The following AGGF1 variants were observed in gnomAD, a reference collection of about 807,000 sequenced individuals.
AGGF1 encodes angiogenic factor with G-patch and FHA domains 1, also known as angiogenic factor with G patch and FHA domains 1.
A neutral mutation model predicts 86.5 loss-of-function variants in AGGF1; 56 were observed. The ratio of observed to expected loss-of-function variants is 0.65; its 90% CI spans 0.52 to 0.81. The LOEUF is 0.81. AGGF1 is among the 30% of genes least tolerant of loss of function. The pLI is 0.00. For missense variants in AGGF1, 816 were observed against 850.9 expected (o/e 0.96, Z 0.51); for synonymous variants, 313 against 297.1 (o/e 1.05, Z -0.55).
rs774016026 is a variant in AGGF1, at chr5:77,042,033, TCAAGCATCTGTTTAAC to T, written c.870+2315_870+2330del. Among the ~76,000 whole-genome samples, 199 of 151,382 alleles carry T rather than the reference TCAAGCATCTGTTTAAC, an allele frequency of 1.3e-3. No individual in the cohort carries two copies. In the East Asian group the frequency reaches 0.027, roughly 21 times the overall value. ...ATGACTCTTAACGAGCATGCTGCCT[TCAAGCATCTGTTTAAC>T]AAAGCACATCTTGCACCACCCTTAA... On this transcript the variant is annotated intron_variant, in intron 5 of 13. Coordinates refer to ENST00000312916, the MANE Select transcript of AGGF1 (RefSeq NM_018046.5).
At chr5:77,054,680 C>G (rs887914264) in intron 10 of AGGF1, among the ~76,000 whole-genome samples, 12 of 152,216 alleles carry the variant, frequency 7.9e-5, no homozygotes, top group Non-Finnish European at 1.8e-4. Flanking sequence ...CATCAAAAAT[C>G]ATGTTGTATA....
chr5:77,043,670 CG>C lies in AGGF1; in HGVS notation c.871-2671del, dbSNP rs1299176523. Among the ~76,000 whole-genome samples the C allele has an allele frequency of 3.1e-5, 4 of 129,974 alleles. No individual in the cohort carries two copies. In the East Asian group the frequency reaches 9.9e-4, roughly 32 times the overall value. The allele number at this position is 129,974 out of a possible 152,430, so 85.3% of individuals were successfully genotyped here. A position where few individuals can be genotyped will look rare whatever the true frequency, so the allele number is the denominator to read the frequency against. Reference sequence around the variant, plus strand: ...CTCCCGGATGGGGCGGCTGGCCGGGCGGGGGGCTGATCCCCCCCACCTCCCT... The same window carrying C: ...CTCCCGGATGGGGCGGCTGGCCGGGCGGGGGCTGATCCCCCCCACCTCCCT... On this transcript the variant is annotated intron_variant, in intron 5 of 13. Transcript: ENST00000312916.
rs769107909 is a variant in AGGF1, at chr5:77,055,605, G to A, written c.1716+9G>A. ...TAAAATATGGTTTACAGGTGAGGAT[G>A]TTGAATATTGTTTCATTTGTTAAGC... On this transcript the variant is annotated intron_variant, in intron 11 of 13. Coordinates refer to ENST00000312916, the MANE Select transcript of AGGF1 (RefSeq NM_018046.5). 15 of 1,538,884 alleles carry A rather than the reference G, an allele frequency of 9.7e-6. No individual in the cohort carries two copies. Among genetic ancestry groups the A allele is most frequent in the African/African-American group, 1.4e-5 (1 of 73,260 alleles).
At chr5:77,048,614 C>T (rs527939722) in intron 7 of AGGF1, among the ~76,000 whole-genome samples, 103 of 152,284 alleles carry the variant, frequency 6.8e-4, no homozygotes, top group African/African-American at 2.4e-3. Context: ...TCCCAAAGTG[C>T]TAGGATTACA....
chr5:77,035,951 T>TTG, intron 3 of AGGF1: 1 of 532,726 alleles, frequency 1.9e-6, no homozygotes. Context: ...CCTACTACAT[T>TTG]GTGTTCCAAA....
At chr5:77,033,940 C>A (rs1746917250) in intron 1 of AGGF1, among the ~76,000 whole-genome samples, 1 of 152,182 alleles carries the variant, frequency 6.6e-6, no homozygotes, top group Non-Finnish European at 1.5e-5. Flanking sequence ...CTGTTCTCTT[C>A]TGCTACAGTT....
Position 77,046,601 on chromosome 5 carries a change from C to T in AGGF1, c.1125C>T (p.Asp375=), listed in dbSNP as rs2150731638. 6.2e-7 allele frequency: 1 copy of T among 1,613,988 alleles called. No homozygotes were observed. The change falls in exon 6 of 14, where the codon GAC becomes GAT. Residue 375 remains aspartate, a synonymous_variant. Transcript: ENST00000312916. ...AACCAGAGGAAGGTGAAATTACAGACTCTCAGACTGAGGATAGTTATGACG... is the reference window on the plus strand; with the variant it reads ...AACCAGAGGAAGGTGAAATTACAGATTCTCAGACTGAGGATAGTTATGACG... The part of the protein sequence containing the change: ...DSEPEEGEIT[D]SQTEDSYDEA...
At chr5:77,047,512 A>G (rs554681925) in intron 6 of AGGF1, among the ~76,000 whole-genome samples, 36 of 152,088 alleles carry the variant, frequency 2.4e-4, no homozygotes, top group South Asian at 8.3e-4. Context: ...TCTCAATGGC[A>G]TTTCTCTTGC....
chr5:77,037,394 C>T (rs953299152), intron 4 of AGGF1, among the ~76,000 whole-genome samples: 2 of 152,176 alleles, frequency 1.3e-5, no homozygotes, highest in Non-Finnish European at 2.9e-5. Context: ...TTTTAGGCCA[C>T]ATAAGGAGAC....
rs1286855713 is a variant in AGGF1 at position 77,048,917 on chromosome 5, A to T, written c.1314-19A>T. 1 of 1,612,350 alleles carries T rather than the reference A, an allele frequency of 6.2e-7. No individual in the cohort carries two copies. The highest frequency in any genetic ancestry group is 2.2e-5 in the East Asian group (1 of 44,790). ...ATATGCTTCAAAAATTATTAAAGAC[A>T]CTTTACTTAACTCTGCAGAGAAAAG... On this transcript the variant is annotated intron_variant, in intron 7 of 13. Coordinates refer to ENST00000312916, the MANE Select transcript of AGGF1 (RefSeq NM_018046.5).
chr5:77,034,530 T>A lies in AGGF1; in HGVS notation c.313+10T>A. 3 of 1,544,022 alleles carry A rather than the reference T, an allele frequency of 1.9e-6. No individual in the cohort carries two copies. Among genetic ancestry groups the A allele is most frequent in the Non-Finnish European group, 2.7e-6 (3 of 1,116,124 alleles). On this transcript the variant is annotated intron_variant, in intron 2 of 13. Transcript: ENST00000312916. ...CCTTGGTCAATCTCAGGTATTTAGC[T>A]TATAGTGAGGATATGCTAACACTGT...
At position 77,059,619 on chromosome 5, in the gene AGGF1, A is replaced by G. The variant is rs749849301; in HGVS notation, c.1720A>G (p.Thr574Ala). 11 of 1,603,354 alleles carry G rather than the reference A, an allele frequency of 6.9e-6. No individual in the cohort carries two copies. Among genetic ancestry groups the G allele is most frequent in the Non-Finnish European group, 9.4e-6 (11 of 1,171,466 alleles). ...TGAATATTTTGTGTTTATTAAGAAT[A>G]CAGAATACGAAGATGAAAAGACATT... Reference protein sequence around the residue: ...KIRVKYGLQNTEYEDEKTLKN... With the variant: ...KIRVKYGLQNAEYEDEKTLKN... The change falls in exon 12 of 14, where the codon ACA becomes GCA. Residue 574 changes from threonine (T) to alanine (A), a missense_variant. Thr to Ala is a moderately conservative substitution (Grantham distance 58, BLOSUM62 0). Around this residue, in one of 3 missense-constraint regions of AGGF1, gnomAD observed 565 missense variants for 585.8 expected, o/e 0.96. Coordinates refer to ENST00000312916, the MANE Select transcript of AGGF1 (RefSeq NM_018046.5).
At chr5:77,039,501 T>G (rs1455455707) in intron 4 of AGGF1, 30 bp from the exon 5 acceptor site, 2 of 1,551,308 alleles carry the variant, frequency 1.3e-6, no homozygotes, top group African/African-American at 2.7e-5. Context: ...CTTACATGAA[T>G]AGAATTTATT....
chr5:77,032,272 A>AAAC (rs1746877042), intron 1 of AGGF1, among the ~76,000 whole-genome samples: 1 of 143,912 alleles, frequency 6.9e-6, no homozygotes, highest in African/African-American at 2.5e-5. Context: ...AAAAAAAAAA[A>AAAC]AACAGGGAGA....
Position 77,063,150 on chromosome 5 carries a change from C to G in AGGF1, c.2043C>G (p.Asn681Lys), listed in dbSNP as rs1747594197. 6.2e-7 allele frequency: 1 copy of G among 1,613,976 alleles called. No individual in the cohort carries two copies. Among genetic ancestry groups the G allele is most frequent in the Non-Finnish European group, 8.5e-7 (1 of 1,179,976 alleles). The stretch of plus-strand genomic sequence containing the variant: ...TTCTCCAAAACAAGAACAAAAAAAA[C>G]TGGGACAAAGCACGAGAGCGGTTTA... Reference protein sequence around the residue: ...VHLLQNKNKKNWDKARERFTE... With the variant: ...VHLLQNKNKKKWDKARERFTE... The change falls in exon 14 of 14, where the codon AAC (asparagine) becomes AAG (lysine). Residue 681 changes from asparagine (N) to lysine (K), a missense_variant. Asn to Lys is a moderately conservative substitution (Grantham distance 94). This residue lies in a region of AGGF1 where 565 missense variants were observed against 585.8 expected (regional missense o/e 0.96). Coordinates refer to ENST00000312916, the MANE Select transcript of AGGF1 (RefSeq NM_018046.5).
intron 5 of AGGF1, among the ~76,000 whole-genome samples, chr5:77,042,469 G>T (rs1747116171): frequency 1.1e-5 from 1 of 91,820 alleles, no homozygotes; most frequent in Non-Finnish European, 2.6e-5. Flanking sequence ...CTCCCGGACG[G>T]GGCGGCTGGC....
At chr5:77,057,036 T>C (rs1204877147) in intron 11 of AGGF1, among the ~76,000 whole-genome samples, 1 of 152,106 alleles carries the variant, frequency 6.6e-6, no homozygotes, top group Non-Finnish European at 1.5e-5. Flanking sequence ...TTTAAGGAAA[T>C]GCAAATTAAA....
chr5:77,054,667 C>T (rs1354627842), intron 10 of AGGF1, among the ~76,000 whole-genome samples: 1 of 151,912 alleles, frequency 6.6e-6, no homozygotes, highest in Non-Finnish European at 1.5e-5. Flanking sequence ...CAGTGTATAC[C>T]TACATCAAAA....
rs1210112673 is a variant in AGGF1, at chr5:77,030,792, C to G, written c.26C>G (p.Pro9Arg). ...ATGGCCTCGGAGGCGCCGTCCCCGCCGCGGTCGCCGCCGCCGCCCACCTCC... is the reference window on the plus strand; with the variant it reads ...ATGGCCTCGGAGGCGCCGTCCCCGCGGCGGTCGCCGCCGCCGCCCACCTCC... MASEAPSP[P>R]RSPPPPTSPE... Residue 9 changes from proline to arginine, a missense_variant, in exon 1 of 14, where the codon CCG (proline) becomes CGG (arginine). Around this residue, in one of 3 missense-constraint regions of AGGF1, gnomAD observed 240 missense variants for 234.4 expected, o/e 1.02. Transcript: ENST00000312916. 4 of 1,591,454 alleles carry G rather than the reference C, an allele frequency of 2.5e-6. No individual in the cohort carries two copies. The highest frequency in any genetic ancestry group is 3.5e-5 in the Admixed American group (2 of 57,526).
Sources: gnomAD v4.1 joint callset for allele counts (sites outside exome capture counted in the v4.1 genomes callset) on GRCh38, gnomAD v4.1.1 for gene constraint, gnomAD v4.1.1 regional missense constraint, MANE v1.5 for transcripts, NCBI Gene and HGNC (gene_info 2026-07-23, HGNC 2026-07-21) for gene names.